RPTOR: variants seen among roughly 807,000 people sequenced by gnomAD.
The protein encoded by RPTOR is regulatory-associated protein of mTOR.
In RPTOR, 21 loss-of-function variants were observed where a neutral mutation model predicts 169.9. The observed-to-expected ratio is 0.12, with a 90% CI of 0.09 to 0.18. RPTOR has a LOEUF of 0.18. RPTOR is among the 10% of genes least tolerant of loss of function. The pLI, the probability that RPTOR is intolerant of heterozygous loss-of-function variation, is 1.00. For synonymous variants in RPTOR, 732 were observed against 753.2 expected, an observed-to-expected ratio of 0.97 and a Z score of 0.46; for missense variants, 1,133 against 1,855.9, an observed-to-expected ratio of 0.61 and a Z score of 7.16.
In RPTOR at chr17:80,562,109, G is replaced by A. The variant is rs1358477713; in HGVS notation, c.162+16318G>A. On this transcript the variant is annotated intron_variant, in intron 1 of 33. Transcript: ENST00000306801. The surrounding 1 kb of genome is among the most constrained non-coding windows in gnomAD (Gnocchi z 4.4). ...GGTCTGGTGGCGGCTTGGGCTGGTA[G>A]TGACAGGCCCGGCAGCCCCAAGAGC... Among the ~76,000 whole-genome samples the A allele has an allele frequency of 6.6e-6, 1 of 152,118 alleles. No homozygotes were observed. Among genetic ancestry groups the A allele is most frequent in the African/African-American group, 2.4e-5 (1 of 41,430 alleles).
intron 3 of RPTOR, among the ~76,000 whole-genome samples, chr17:80,701,679 A>G (rs962323707): frequency 6.6e-6 from 1 of 152,130 alleles, no homozygotes; most frequent in African/African-American, 2.4e-5. Context: ...GGTTTGTTGG[A>G]TCTAAACTTG....
intron 13 of RPTOR, among the ~76,000 whole-genome samples, chr17:80,868,605 A>G (rs1443896111): frequency 5.3e-5 from 8 of 152,246 alleles, no homozygotes; most frequent in Admixed American, 4.6e-4. Flanking sequence ...TCAGCATACA[A>G]TCCAGCCATT....
chr17:80,590,967 A>G (rs1321893216), intron 1 of RPTOR, among the ~76,000 whole-genome samples: 5 of 152,064 alleles, frequency 3.3e-5, no homozygotes, highest in Admixed American at 1.3e-4. Flanking sequence ...TAAAATGATT[A>G]TCATGTCTTC....
At chr17:80,578,113 G>A (rs993264954) in intron 1 of RPTOR, among the ~76,000 whole-genome samples, 7 of 152,184 alleles carry the variant, frequency 4.6e-5, no homozygotes, top group African/African-American at 1.4e-4. Flanking sequence ...TTCAAGGTGC[G>A]TGGCTGAGAT....
In RPTOR at chr17:80,964,284, A is replaced by G. The variant is rs750814274; in HGVS notation, c.3962A>G (p.Asn1321Ser). 6.2e-7 allele frequency: 1 copy of G among 1,608,022 alleles called. No individual in the cohort carries two copies. Among genetic ancestry groups the G allele is most frequent in the South Asian group, 1.1e-5 (1 of 91,038 alleles). The change falls in exon 34 of 34, where the codon AAC becomes AGC. Residue 1321 changes from asparagine to serine, a missense_variant. Physicochemically the swap from Asn to Ser is conservative, Grantham distance 46 (BLOSUM62 1). Around this residue, in one of 9 missense-constraint regions of RPTOR, gnomAD observed 410 missense variants for 623.7 expected, o/e 0.66. Coordinates refer to ENST00000306801, the MANE Select transcript of RPTOR (RefSeq NM_020761.3). ...CAGCCTCACCTGGCCGTGGGAAGCA[A>G]CGACTACTACATCTCCGTGTACTCG... is the stretch of plus-strand genomic sequence containing the variant. ...PHWPHLAVGS[N>S]DYYISVYSVE...
chr17:80,612,321 G>T (rs967903735), intron 1 of RPTOR, among the ~76,000 whole-genome samples: 1 of 152,154 alleles, frequency 6.6e-6, no homozygotes, highest in African/African-American at 2.4e-5. Flanking sequence ...TGTAGAGACA[G>T]GGTCTTGCTG....
At chr17:80,892,640 C>A in intron 18 of RPTOR, 89 bp from the exon 19 acceptor site, 2 of 1,440,586 alleles carry the variant, frequency 1.4e-6, no homozygotes, top group South Asian at 1.2e-5. Context: ...CAGCTGCCGT[C>A]ACCGAGTGTC....
chr17:80,889,054 A>C (rs1352178470), intron 17 of RPTOR, among the ~76,000 whole-genome samples: 1 of 152,216 alleles, frequency 6.6e-6, no homozygotes, highest in Non-Finnish European at 1.5e-5. Context: ...GTTTGGGGGC[A>C]GGACCTCACC....
rs551585877 is a variant in RPTOR, at chr17:80,876,739, C to T, written c.1510-3676C>T. Among the ~76,000 whole-genome samples the T allele has an allele frequency of 4.4e-4, 58 of 131,088 alleles. 1 individual carries two copies. The highest frequency in any genetic ancestry group is 1.6e-3 in the African/African-American group (54 of 33,660). 86.0% of individuals were successfully genotyped at this position (131,088 alleles called of 152,430 possible). On this transcript the variant is annotated intron_variant, in intron 13 of 33. Coordinates refer to ENST00000306801, the MANE Select transcript of RPTOR (RefSeq NM_020761.3). ...GTGTGTCGCCTGCCGGGTCTTCCACCGAGCCCGTGCCACGCAGGGTGTGTG... is the reference window on the plus strand; with the variant it reads ...GTGTGTCGCCTGCCGGGTCTTCCACTGAGCCCGTGCCACGCAGGGTGTGTG...
At chr17:80,660,484 G>A (rs2065714131) in intron 3 of RPTOR, among the ~76,000 whole-genome samples, 1 of 152,142 alleles carries the variant, frequency 6.6e-6, no homozygotes, top group East Asian at 1.9e-4. Context: ...AGTAGCATCT[G>A]TTCTATAGAA....
chr17:80,592,864 T>C (rs1436530601), intron 1 of RPTOR, among the ~76,000 whole-genome samples: 2 of 152,202 alleles, frequency 1.3e-5, no homozygotes, highest in Admixed American at 1.3e-4. Context: ...TGCGTTTCCC[T>C]GGCGCCTGGA....
intron 21 of RPTOR, among the ~76,000 whole-genome samples, chr17:80,921,813 C>T (rs1022402918): frequency 1.3e-5 from 2 of 152,166 alleles, no homozygotes; most frequent in African/African-American, 4.8e-5. Flanking sequence ...CCTCCGGGAG[C>T]AGCCATCCCC....
intron 3 of RPTOR, among the ~76,000 whole-genome samples, chr17:80,703,782 A>G (rs989837186): frequency 9.2e-5 from 14 of 152,078 alleles, no homozygotes; most frequent in African/African-American, 2.9e-4. Context: ...GAAAACCTCT[A>G]ATTGTTTCTA....
intron 3 of RPTOR, among the ~76,000 whole-genome samples, chr17:80,692,404 CT>C (rs2066001095): frequency 6.6e-6 from 1 of 152,204 alleles, no homozygotes; most frequent in South Asian, 2.1e-4. Context: ...TCACCGCAAC[CT>C]CCACCTCCCA....
chr17:80,547,600 G>T (rs2084292658), intron 1 of RPTOR, among the ~76,000 whole-genome samples: 1 of 152,176 alleles, frequency 6.6e-6, no homozygotes, highest in South Asian at 2.1e-4. Flanking sequence ...GAGAAAATCA[G>T]CAGCTAACAT....
chr17:80,882,304 A>G (rs1195338061), intron 14 of RPTOR, among the ~76,000 whole-genome samples: 1 of 152,264 alleles, frequency 6.6e-6, no homozygotes, highest in Non-Finnish European at 1.5e-5. Context: ...CGATTTTAAA[A>G]GCAGGATGAA....
chr17:80,834,371 G>C (rs1389610938), intron 9 of RPTOR, among the ~76,000 whole-genome samples: 1 of 152,098 alleles, frequency 6.6e-6, no homozygotes, highest in Non-Finnish European at 1.5e-5. Context: ...CGAGTCCACA[G>C]CCCTGGGTAG....
intron 1 of RPTOR, among the ~76,000 whole-genome samples, chr17:80,555,459 C>T (rs1471403650): frequency 6.6e-6 from 1 of 152,148 alleles, no homozygotes; most frequent in African/African-American, 2.4e-5. Flanking sequence ...GAGGAACACC[C>T]AGTCTGTCTG....
chr17:80,561,326 G>A (rs1000143165), intron 1 of RPTOR, among the ~76,000 whole-genome samples: 1 of 150,532 alleles, frequency 6.6e-6, no homozygotes, highest in African/African-American at 2.5e-5. Flanking sequence ...GGCCAGGCTG[G>A]TCTCAAACTC....
Sources: allele counts gnomAD v4.1 joint callset (sites outside exome capture counted in the v4.1 genomes callset), GRCh38; gene constraint gnomAD v4.1.1; regional missense constraint gnomAD v4.1.1; non-coding constraint Gnocchi (gnomAD v3.1); transcripts MANE v1.5; gene names NCBI Gene and HGNC (gene_info 2026-07-23, HGNC 2026-07-21).